The following NCS1 variants were observed in gnomAD, a reference collection of about 807,000 sequenced individuals.
NCS1 encodes the protein neuronal calcium sensor 1.
In NCS1, 6 loss-of-function variants were observed where a neutral mutation model predicts 28.4. The observed-to-expected ratio is 0.21, with a 90% confidence interval of 0.12 to 0.42. The LOEUF (loss-of-function observed/expected upper bound fraction) is 0.42. NCS1 is among the 10% of genes least tolerant of loss of function. The pLI, the probability that NCS1 is intolerant of heterozygous loss-of-function variation, is 1.00. For missense variants in NCS1, 131 were observed against 241.4 expected (o/e 0.54, Z 3.03); for synonymous variants, 86 against 99.3 (o/e 0.87, Z 0.79).
intron 2 of NCS1, among the ~76,000 whole-genome samples, chr9:130,216,803 C>A (rs571365420): frequency 2.0e-5 from 3 of 151,326 alleles, no homozygotes; most frequent in Non-Finnish European, 4.4e-5. Flanking sequence ...AGTTCCCAGT[C>A]GCGTCAGGCC....
intron 1 of NCS1, among the ~76,000 whole-genome samples, chr9:130,176,194 C>CTTTCTTTCTTTCT (rs1554904576): frequency 2.7e-3 from 136 of 50,112 alleles, no homozygotes; most frequent in Non-Finnish European, 4.1e-3. Context: ...TTCTTTCTTT[C>CTTTCTTTCTTTCT]TTTTTTTTTT....
intron 1 of NCS1, among the ~76,000 whole-genome samples, chr9:130,179,319 C>T (rs1215769596): frequency 2.0e-5 from 3 of 152,026 alleles, no homozygotes; most frequent in African/African-American, 4.8e-5. Flanking sequence ...AATGTTTGCC[C>T]GTATCATGAA....
intron 2 of NCS1, among the ~76,000 whole-genome samples, chr9:130,208,906 C>T (rs142288213): frequency 6.6e-6 from 1 of 152,192 alleles, no homozygotes. Context: ...AGTCTGGGTC[C>T]AGCTCGCTCT....
At chr9:130,172,808 C>T in intron 1 of NCS1, 81 bp downstream of exon 1, 1 of 753,098 alleles carries the variant, frequency 1.3e-6, no homozygotes. Flanking sequence ...CGGACCCGCG[C>T]GCTACCCGCT....
chr9:130,231,948 T>G (rs572273399), intron 7 of NCS1, among the ~76,000 whole-genome samples: 4 of 151,464 alleles, frequency 2.6e-5, no homozygotes, highest in African/African-American at 7.3e-5. Flanking sequence ...TTGTTGTTGT[T>G]GTGGTTTTTG....
In NCS1 at chr9:130,177,259, A is replaced by T. The variant is rs139227978; in HGVS notation, c.64+4532A>T. 0.015 allele frequency among the ~76,000 whole-genome samples: 2,308 copies of T among 152,244 alleles called. 28 individuals are homozygous for T. The highest frequency in any genetic ancestry group is 0.018 in the Non-Finnish European group (1,213 of 67,988). On this transcript the variant is annotated intron_variant, in intron 1 of 7. Coordinates refer to ENST00000372398, the MANE Select transcript of NCS1 (RefSeq NM_014286.4). The surrounding 1 kb of genome is among the most constrained non-coding windows in gnomAD (Gnocchi z 4.4). The stretch of plus-strand genomic sequence containing the variant: ...CTGGTTGTGGACTGTCCTGGGGCCC[A>T]TGAGGGCCCCTTCCTCTAGGGTGAG...
intron 2 of NCS1, 97 bp downstream of exon 2, chr9:130,201,079 G>A (rs1832941450): frequency 6.5e-7 from 1 of 1,540,866 alleles, no homozygotes; most frequent in Non-Finnish European, 9.0e-7. Context: ...GCTCAGGATG[G>A]GGGCATGTGG....
In NCS1 at chr9:130,234,772, C is replaced by T. The variant is rs575903246; in HGVS notation, c.*1800C>T. ...CTTCCCGCAGCATTTCCTGGTTCCC[C>T]CCAGACCCTTGAGCGCTCTTTGGGA... On this transcript the variant is annotated 3_prime_UTR_variant, in exon 8 of 8. Transcript: ENST00000372398. This position sits in a 1 kb window ranked among gnomAD's most constrained non-coding sequence, Gnocchi z 6.1. The T allele has an allele frequency of 6.6e-6, 1 of 152,388 alleles. No homozygotes were observed. The highest frequency in any genetic ancestry group is 2.1e-4 in the South Asian group (1 of 4,830). 9.4% of individuals were successfully genotyped at this position (152,388 alleles called of 1,614,324 possible).
In NCS1 at chr9:130,200,995, T is replaced by G; in HGVS notation, c.89+13T>G. 6.2e-7 allele frequency: 1 copy of G among 1,614,112 alleles called. No individual in the cohort carries two copies. The highest frequency in any genetic ancestry group is 8.5e-7 in the Non-Finnish European group (1 of 1,180,000). On this transcript the variant is annotated intron_variant, in intron 2 of 7. Transcript: ENST00000372398. Reference sequence around the variant, plus strand: ...AGGTCCAGCAGTGGTGAGTAGCTGCTTTTTCTCAAACCGTAGAGGGGCTGC... The same window carrying G: ...AGGTCCAGCAGTGGTGAGTAGCTGCGTTTTCTCAAACCGTAGAGGGGCTGC...
rs189707870 is a variant in NCS1, at chr9:130,191,425, C to A, written c.65-9533C>A. Among the ~76,000 whole-genome samples, 2 of 152,148 alleles carry A rather than the reference C, an allele frequency of 1.3e-5. No individual in the cohort carries two copies. The highest frequency in any genetic ancestry group is 2.9e-5 in the Non-Finnish European group (2 of 68,022). On this transcript the variant is annotated intron_variant, in intron 1 of 7. Coordinates refer to ENST00000372398, the MANE Select transcript of NCS1 (RefSeq NM_014286.4). This position sits in a 1 kb window ranked among gnomAD's most constrained non-coding sequence, Gnocchi z 6.4. ...GGGAGATCCCCCAACAGGTGAAATA[C>A]CCCCCGATTCGAGTGCTCAGCCTTC...
At chr9:130,173,268 C>T (rs2131109577) in intron 1 of NCS1, among the ~76,000 whole-genome samples, 1 of 152,162 alleles carries the variant, frequency 6.6e-6, no homozygotes, top group African/African-American at 2.4e-5. Flanking sequence ...GTCCCCGGCA[C>T]CCTGTGGGTT....
chr9:130,210,704 G>A (rs528295139), intron 2 of NCS1, among the ~76,000 whole-genome samples: 47 of 152,278 alleles, frequency 3.1e-4, no homozygotes, highest in Non-Finnish European at 4.1e-4. Flanking sequence ...GAGACTCTGA[G>A]GGGAACCGTC....
chr9:130,229,531 G>C (rs782400757), intron 7 of NCS1, among the ~76,000 whole-genome samples: 1 of 152,154 alleles, frequency 6.6e-6, no homozygotes, highest in South Asian at 2.1e-4. Context: ...GGGATTACAG[G>C]TGTGGGCCAT....
At chr9:130,206,443 C>T (rs1396732735) in intron 2 of NCS1, among the ~76,000 whole-genome samples, 1 of 138,328 alleles carries the variant, frequency 7.2e-6, no homozygotes, top group East Asian at 2.2e-4. Flanking sequence ...GAGTCTCACT[C>T]GGTCGCCCAG....
rs1554906212 is a variant in NCS1, at chr9:130,191,062, C to A, written c.65-9896C>A. Among the ~76,000 whole-genome samples the A allele has an allele frequency of 6.6e-6, 1 of 152,202 alleles. No individual in the cohort carries two copies. Among genetic ancestry groups the A allele is most frequent in the Non-Finnish European group, 1.5e-5 (1 of 68,040 alleles). On this transcript the variant is annotated intron_variant, in intron 1 of 7. Coordinates refer to ENST00000372398, the MANE Select transcript of NCS1 (RefSeq NM_014286.4). The surrounding 1 kb of genome is among the most constrained non-coding windows in gnomAD (Gnocchi z 6.4). ...ACACCACGACTCCTCATCGGCACAGCATCTCCAGGGCGCCCACCATGTGCT... is the reference window on the plus strand; with the variant it reads ...ACACCACGACTCCTCATCGGCACAGAATCTCCAGGGCGCCCACCATGTGCT...
Position 130,236,703 on chromosome 9 carries a change from C to A in NCS1, c.*3731C>A, listed in dbSNP as rs1251149504. 2.0e-5 allele frequency: 3 copies of A among 152,344 alleles called. No individual in the cohort carries two copies. Among genetic ancestry groups the A allele is most frequent in the African/African-American group, 7.2e-5 (3 of 41,404 alleles). 9.4% of individuals were successfully genotyped at this position (152,344 alleles called of 1,614,324 possible). A position where few individuals can be genotyped will look rare whatever the true frequency, so the allele number is the denominator to read the frequency against. ...TGCCCCTTCTCCAGGATGGGGTAGC[C>A]CCGAGTCGCCCTCCCCAGTCTGCAC... On this transcript the variant is annotated 3_prime_UTR_variant, in exon 8 of 8. Transcript: ENST00000372398.
chr9:130,200,075 G>A (rs1206798790), intron 1 of NCS1, among the ~76,000 whole-genome samples: 1 of 152,132 alleles, frequency 6.6e-6, no homozygotes, highest in African/African-American at 2.4e-5. Context: ...ATGCCTTTAT[G>A]AGTGAGTCCC....
chr9:130,217,173 T>C (rs1554909528), intron 2 of NCS1, among the ~76,000 whole-genome samples: 1 of 152,212 alleles, frequency 6.6e-6, no homozygotes, highest in African/African-American at 2.4e-5. Context: ...GGCAGAGATC[T>C]GTCCTGGGAT....
In NCS1 at chr9:130,232,684, G is replaced by C. The variant is rs541459947; in HGVS notation, c.*18-306G>C. Among the ~76,000 whole-genome samples, 3 of 152,234 alleles carry C rather than the reference G, an allele frequency of 2.0e-5. No individual in the cohort carries two copies. The highest frequency in any genetic ancestry group is 2.0e-4 in the Admixed American group (3 of 15,286). ...GCCTGTAATCCCAGCTACTTGGGAG[G>C]CTGAGGCAGGAGAATCGCTTGAACC... On this transcript the variant is annotated intron_variant, in intron 7 of 7. Transcript: ENST00000372398. The surrounding 1 kb of genome is among the most constrained non-coding windows in gnomAD (Gnocchi z 4.4).
Sources: allele counts gnomAD v4.1 joint callset (sites outside exome capture counted in the v4.1 genomes callset), GRCh38; gene constraint gnomAD v4.1.1; non-coding constraint Gnocchi (gnomAD v3.1); transcripts MANE v1.5; gene names NCBI Gene and HGNC (gene_info 2026-07-23, HGNC 2026-07-21).